The following ABCC6 variants were observed in gnomAD, a reference collection of about 807,000 sequenced individuals.
ABCC6 encodes the protein ATP-binding cassette sub-family C member 6.
Under a neutral mutation model 169.5 loss-of-function variants are expected in ABCC6, and 126 were observed. The observed-to-expected ratio is 0.74, with a 90% CI of 0.64 to 0.86. The LOEUF (loss-of-function observed/expected upper bound fraction) is 0.86, where lower values mean the gene tolerates loss of function less well. Ranked by LOEUF, ABCC6 falls within the 40% of genes least tolerant of loss-of-function variation. The probability of loss-of-function intolerance (pLI) is 0.00; values close to 1 mark genes in which losing one functional copy is unlikely to be tolerated. For synonymous variants in ABCC6, 752 were observed against 814.7 expected, an observed-to-expected ratio of 0.92 and a Z score of 1.31; for missense variants, 1,733 against 1,927.2, an observed-to-expected ratio of 0.90 and a Z score of 1.89.
At position 16,159,704 on chromosome 16, in the gene ABCC6, G is replaced by A. The variant is rs972194841; in HGVS notation, c.3634-121C>T. On this transcript the variant is annotated intron_variant, in intron 25 of 30. Coordinates refer to ENST00000205557, the MANE Select transcript of ABCC6 (RefSeq NM_001171.6). ...CCCAGGGGAGTAAAGAGGGGAGGCAGGAATGGGACAGTCTGAGGACCTGGG... is the reference window on the plus strand; with the variant it reads ...CCCAGGGGAGTAAAGAGGGGAGGCAAGAATGGGACAGTCTGAGGACCTGGG... The A allele has an allele frequency of 8.3e-6, 7 of 843,146 alleles. No individual in the cohort carries two copies. In the African/African-American group the frequency reaches 1.2e-4, roughly 14 times the overall value. 52.2% of individuals were successfully genotyped at this position (843,146 alleles called of 1,614,324 possible).
chr16:16,204,053 T>A (rs1326337827), intron 7 of ABCC6, among the ~76,000 whole-genome samples: 3 of 152,030 alleles, frequency 2.0e-5, no homozygotes, highest in Non-Finnish European at 4.4e-5. Context: ...CTTTTCTTTT[T>A]TCTTTTCCTT....
At chr16:16,163,250 T>G (rs2046783204) in intron 23 of ABCC6, 58 bp from the exon 24 acceptor site, 3 of 1,543,116 alleles carry the variant, frequency 1.9e-6, no homozygotes, top group Non-Finnish European at 2.7e-6. Flanking sequence ...AGAGGTAGTT[T>G]CCAGAAGCAC....
At chr16:16,152,061 G>A (rs985890261) in intron 29 of ABCC6, among the ~76,000 whole-genome samples, 2 of 151,714 alleles carry the variant, frequency 1.3e-5, no homozygotes, top group Admixed American at 6.6e-5. Context: ...GCGTGGTGGC[G>A]GGCGCTTGTA....
At chr16:16,180,264 G>A (rs1236660010) in intron 17 of ABCC6, among the ~76,000 whole-genome samples, 1 of 152,172 alleles carries the variant, frequency 6.6e-6, no homozygotes, top group Non-Finnish European at 1.5e-5. Context: ...CCCGGGGGTT[G>A]GGGACCCCTG....
chr16:16,198,886 T>A (rs1352546895), intron 9 of ABCC6, among the ~76,000 whole-genome samples: 1 of 151,802 alleles, frequency 6.6e-6, no homozygotes, highest in Non-Finnish European at 1.5e-5. Flanking sequence ...CCCAGCTACT[T>A]GGGAGGCTGA....
At chr16:16,215,910 T>C (rs191486779) in intron 4 of ABCC6, among the ~76,000 whole-genome samples, 341 of 152,292 alleles carry the variant, frequency 2.2e-3, no homozygotes, top group African/African-American at 7.9e-3. Flanking sequence ...TCTACTCTTG[T>C]AGTTATTTTA....
intron 29 of ABCC6, 33 bp downstream of exon 29, chr16:16,154,595 C>T (rs1184447466): frequency 1.2e-6 from 2 of 1,611,076 alleles, no homozygotes; most frequent in East Asian, 4.5e-5. Context: ...CCTCTCCCAC[C>T]TGCAGGTCCC....
At chr16:16,170,390 A>G (rs2047022308) in intron 21 of ABCC6, among the ~76,000 whole-genome samples, 1 of 151,908 alleles carries the variant, frequency 6.6e-6, no homozygotes, top group African/African-American at 2.4e-5. Flanking sequence ...GTGAGCCACC[A>G]CACCCAGCTA....
rs2048250019 is a variant in ABCC6 at position 16,201,986 on chromosome 16, T to TC, written c.1176+14dup. ...TCCTGGCTGGGAAGACCTGCCCTTG[T>TC]CCCCCAGGGCTCACCTTTCTGTACA... On this transcript the variant is annotated intron_variant, in intron 9 of 30. Transcript: ENST00000205557. 1 of 1,613,788 alleles carries TC rather than the reference T, an allele frequency of 6.2e-7. No homozygotes were observed. Among genetic ancestry groups the TC allele is most frequent in the South Asian group, 1.1e-5 (1 of 91,078 alleles).
intron 21 of ABCC6, 53 bp downstream of exon 21, chr16:16,173,231 C>T (rs922406415): frequency 1.2e-6 from 2 of 1,610,480 alleles, no homozygotes; most frequent in African/African-American, 1.3e-5. Flanking sequence ...AAGACTTGGG[C>T]CCCTGGAGGT....
intron 21 of ABCC6, chr16:16,173,051 A>G (rs970285858): frequency 6.4e-6 from 4 of 622,194 alleles, no homozygotes; most frequent in African/African-American, 1.8e-5. Context: ...CAAAATCAAA[A>G]TAAAATAAAT....
chr16:16,184,886 G>A (rs1397886651), intron 15 of ABCC6, 73 bp downstream of exon 15: 16 of 1,490,526 alleles, frequency 1.1e-5, no homozygotes, highest in Non-Finnish European at 1.5e-5. Context: ...CCTCTCAGGT[G>A]GGAGGCAGCA....
In ABCC6 at chr16:16,202,168, C is replaced by A; in HGVS notation, c.1009G>T (p.Glu337Ter). Residue 337 changes from glutamate (E) to a stop codon, truncating the protein, a stop_gained, in exon 9 of 31, where the codon GAG (glutamate) becomes TAG (stop). Transcript: ENST00000205557. LOFTEE classifies it high-confidence loss of function. ...TVPKLLSLFL[E>*]FIGDPKPPAW... ...GGAGGCTTGGGATCACCAATAAACT[C>A]CAGGAAAAGGCTTGCAGGGGAAGGA... 6.2e-7 allele frequency: 1 copy of A among 1,612,866 alleles called. No individual in the cohort carries two copies. Among genetic ancestry groups the A allele is most frequent in the African/African-American group, 1.3e-5 (1 of 74,856 alleles).
intron 24 of ABCC6, among the ~76,000 whole-genome samples, chr16:16,162,628 A>G (rs986153926): frequency 2.0e-5 from 3 of 152,224 alleles, no homozygotes; most frequent in Admixed American, 6.5e-5. Flanking sequence ...CCAGCTGGTA[A>G]GTGGCAGAGC....
rs2047744263 is a variant in ABCC6 at position 16,188,888 on chromosome 16, G to A, written c.1722C>T (p.Leu574=). The A allele has an allele frequency of 6.2e-7, 1 of 1,614,054 alleles. No homozygotes were observed. The highest frequency in any genetic ancestry group is 1.7e-5 in the Admixed American group (1 of 60,004). The change falls in exon 13 of 31, where the codon CTC becomes CTT. Residue 574 remains leucine (L), a synonymous_variant. Coordinates refer to ENST00000205557, the MANE Select transcript of ABCC6 (RefSeq NM_001171.6). ...AEKAFVTLTV[L]NILNKAQAFL... ...AAGCCTGGGCCTTGTTGAGGATGTT[G>A]AGAACTGTGAGAGTCACAAAGGCTT...
intron 26 of ABCC6, 49 bp downstream of exon 26, chr16:16,159,433 C>A (rs749436704): frequency 1.7e-5 from 27 of 1,548,834 alleles, no homozygotes; most frequent in Admixed American, 6.7e-5. Flanking sequence ...ATTGCCCCCC[C>A]CCACAATATG....
Position 16,177,552 on chromosome 16 carries a change from G to A in ABCC6, c.2490C>T (p.Ala830=), listed in dbSNP as rs9924755. The change falls in exon 19 of 31, where the codon GCC becomes GCT. Residue 830 remains alanine, a synonymous_variant. Transcript: ENST00000205557. ...ADWIIVLANG[A]IAEMGSYQEL... ...CCTGGTAGGAACCCATCTCTGCGATGGCCCCATTTGCCAGCACTATGATCC... is the reference window on the plus strand; with the variant it reads ...CCTGGTAGGAACCCATCTCTGCGATAGCCCCATTTGCCAGCACTATGATCC... The A allele has an allele frequency of 0.15, 236,741 of 1,614,036 alleles. 18,605 individuals are homozygous for A. Among genetic ancestry groups the A allele is most frequent in the African/African-American group, 0.26 (19,173 of 75,008 alleles).
intron 13 of ABCC6, 124 bp downstream of exon 13, chr16:16,188,707 C>T (rs770506433): frequency 1.5e-6 from 2 of 1,370,162 alleles, no homozygotes; most frequent in Non-Finnish European, 2.0e-6. Flanking sequence ...TCCAGCTCCA[C>T]ACCATCCCTC....
chr16:16,155,219 T>G, intron 27 of ABCC6, 188 bp from the exon 28 acceptor site: 1 of 674,218 alleles, frequency 1.5e-6, no homozygotes, highest in Non-Finnish European at 2.5e-6. Context: ...GTCTTCCATC[T>G]GTGTTCTTCT....
Sources: gnomAD v4.1 joint callset for allele counts (sites outside exome capture counted in the v4.1 genomes callset) on GRCh38, gnomAD v4.1.1 for gene constraint, MANE v1.5 for transcripts, NCBI Gene and HGNC (gene_info 2026-07-23, HGNC 2026-07-21) for gene names.